The following TMEM132D variants were observed in gnomAD, a reference collection of about 807,000 sequenced individuals.
The protein encoded by TMEM132D is mature OL transmembrane protein.
TMEM132D carries 21 observed loss-of-function variants against 62.3 expected under a neutral mutation model. That is an observed-to-expected ratio of 0.34 (90% confidence interval 0.24 to 0.49). TMEM132D has a LOEUF of 0.49. Ranked by LOEUF, TMEM132D falls within the 20% of genes least tolerant of loss-of-function variation. TMEM132D has a pLI of 0.99. For missense variants in TMEM132D, 1,346 were observed against 1,402.8 expected, an observed-to-expected ratio of 0.96 and a Z score of 0.65; for synonymous variants, 621 against 575.6, an observed-to-expected ratio of 1.08 and a Z score of -1.13.
At chr12:129,622,783 A>G (rs1879109256) in intron 2 of TMEM132D, among the ~76,000 whole-genome samples, 1 of 152,180 alleles carries the variant, frequency 6.6e-6, no homozygotes, top group African/African-American at 2.4e-5. Flanking sequence ...AGGAGTGATC[A>G]TGTGACTTTG....
intron 5 of TMEM132D, among the ~76,000 whole-genome samples, chr12:129,186,989 A>G (rs1188362674): frequency 6.6e-6 from 1 of 152,228 alleles, no homozygotes; most frequent in African/African-American, 2.4e-5. Flanking sequence ...CCTATTGTCA[A>G]TTTAATATAA....
At chr12:129,160,474 G>C (rs1388084716) in intron 5 of TMEM132D, among the ~76,000 whole-genome samples, 1 of 152,176 alleles carries the variant, frequency 6.6e-6, no homozygotes, top group East Asian at 1.9e-4. Flanking sequence ...TCTTGTTGCT[G>C]ACACAGCAGA....
chr12:129,747,214 T>TTCTCCCTCCTCCCGCTCCTTCTCCC (rs1555229163), intron 1 of TMEM132D, among the ~76,000 whole-genome samples: 22 of 5,864 alleles, frequency 3.8e-3, no homozygotes, highest in South Asian at 6.8e-3. Flanking sequence ...TTACTCCTCC[T>TTCTCCCTCCTCCCGCTCCTTCTCCC]TCCAGCCACC....
At chr12:129,581,805 A>G (rs1390627608) in intron 2 of TMEM132D, among the ~76,000 whole-genome samples, 1 of 152,198 alleles carries the variant, frequency 6.6e-6, no homozygotes, top group Non-Finnish European at 1.5e-5. Context: ...AATACTTTGC[A>G]TCCTTCAATC....
intron 3 of TMEM132D, among the ~76,000 whole-genome samples, chr12:129,383,847 G>A (rs2030437): frequency 1.3e-5 from 2 of 152,182 alleles, no homozygotes; most frequent in Middle Eastern, 6.8e-3. Flanking sequence ...ACAGAAGACC[G>A]GGTCCCAAAT....
intron 5 of TMEM132D, among the ~76,000 whole-genome samples, chr12:129,137,115 T>C (rs374054139): frequency 0.011 from 1,563 of 138,628 alleles, 21 homozygotes; most frequent in African/African-American, 0.039. Flanking sequence ...ACCACCACCA[T>C]CATCACCATC....
chr12:129,389,784 A>G (rs1871245594), intron 3 of TMEM132D, among the ~76,000 whole-genome samples: 1 of 152,206 alleles, frequency 6.6e-6, no homozygotes, highest in Admixed American at 6.5e-5. Context: ...AGCTCTTTGA[A>G]GTAAGGACTA....
At chr12:129,831,977 C>T (rs1746473828) in intron 1 of TMEM132D, among the ~76,000 whole-genome samples, 1 of 98,864 alleles carries the variant, frequency 1.0e-5, no homozygotes, top group Non-Finnish European at 2.2e-5. Flanking sequence ...TCCAGAGATC[C>T]CCCTGCCTCA....
chr12:129,287,020 C>T (rs1334386469), intron 4 of TMEM132D, among the ~76,000 whole-genome samples: 1 of 151,322 alleles, frequency 6.6e-6, no homozygotes, highest in Non-Finnish European at 1.5e-5. Context: ...TGTACTCCAG[C>T]CTGGGCAACA....
At chr12:129,624,834 A>T (rs1463157910) in intron 2 of TMEM132D, among the ~76,000 whole-genome samples, 1 of 151,510 alleles carries the variant, frequency 6.6e-6, no homozygotes, top group Non-Finnish European at 1.5e-5. Flanking sequence ...ACCAGACAGC[A>T]AGGCAGTCCA....
intron 4 of TMEM132D, among the ~76,000 whole-genome samples, chr12:129,286,193 C>T (rs1881292928): frequency 6.6e-6 from 1 of 152,146 alleles, no homozygotes; most frequent in African/African-American, 2.4e-5. Flanking sequence ...CAGCCTGCCA[C>T]AATCTACTTT....
chr12:129,513,416 G>T (rs1875551744), intron 3 of TMEM132D, among the ~76,000 whole-genome samples: 1 of 152,110 alleles, frequency 6.6e-6, no homozygotes, highest in African/African-American at 2.4e-5. Flanking sequence ...CCATAATGGG[G>T]ACCAATTTTT....
Position 129,487,031 on chromosome 12 carries a change from T to TGG in TMEM132D, c.1115+44026_1115+44027dup, listed in dbSNP as rs533544416. 1.0e-3 allele frequency among the ~76,000 whole-genome samples: 72 copies of TGG among 70,504 alleles called. 1 individual carries two copies. The highest frequency in any genetic ancestry group is 6.0e-3 in the East Asian group (13 of 2,184). The allele number at this position is 70,504 out of a possible 152,430, so 46.3% of individuals were successfully genotyped here. Reference sequence around the variant, plus strand: ...GTTGATGTCTGCGAATGTTTGCGTATGGGGGGGGGGGTTGTGGGTGTAGCT... The same window carrying TGG: ...GTTGATGTCTGCGAATGTTTGCGTATGGGGGGGGGGGGGTTGTGGGTGTAGCT... On this transcript the variant is annotated intron_variant, in intron 3 of 8. Transcript: ENST00000422113.
intron 3 of TMEM132D, among the ~76,000 whole-genome samples, chr12:129,473,442 G>A (rs1043329642): frequency 7.4e-6 from 1 of 135,070 alleles, no homozygotes; most frequent in African/African-American, 2.7e-5. Context: ...TGATCCTCTC[G>A]CCTCAGCCTT....
intron 1 of TMEM132D, among the ~76,000 whole-genome samples, chr12:129,705,505 TATG>T (rs1235923604): frequency 6.6e-6 from 1 of 152,184 alleles, no homozygotes; most frequent in Non-Finnish European, 1.5e-5. Flanking sequence ...TTCACAGAAA[TATG>T]ATGAAGGATG....
At chr12:129,253,575 C>T (rs937530116) in intron 4 of TMEM132D, among the ~76,000 whole-genome samples, 1 of 152,142 alleles carries the variant, frequency 6.6e-6, no homozygotes, top group Non-Finnish European at 1.5e-5. Context: ...GGCTTTATAC[C>T]TACTATTTCT....
intron 1 of TMEM132D, among the ~76,000 whole-genome samples, chr12:129,885,536 C>T (rs567058450): frequency 2.0e-5 from 3 of 152,320 alleles, no homozygotes; most frequent in African/African-American, 7.2e-5. Flanking sequence ...TGGACTGTTG[C>T]AAAACTCTAG....
At chr12:129,815,373 G>A (rs1455814321) in intron 1 of TMEM132D, among the ~76,000 whole-genome samples, 1 of 152,032 alleles carries the variant, frequency 6.6e-6, no homozygotes, top group African/African-American at 2.4e-5. Flanking sequence ...TAATAAATAA[G>A]TAATTCCCTG....
intron 1 of TMEM132D, among the ~76,000 whole-genome samples, chr12:129,755,359 C>T (rs7302151): frequency 0.54 from 82,685 of 151,994 alleles, 22,863 homozygotes; most frequent in Middle Eastern, 0.64. Flanking sequence ...TCTATTTTTA[C>T]GAAAAGTGTG....
Sources: gnomAD v4.1 joint callset for allele counts (sites outside exome capture counted in the v4.1 genomes callset) on GRCh38, gnomAD v4.1.1 for gene constraint, MANE v1.5 for transcripts, NCBI Gene and HGNC (gene_info 2026-07-23, HGNC 2026-07-21) for gene names.